The following ZNF503 variants were observed in gnomAD, a reference collection of about 807,000 sequenced individuals.
The protein encoded by ZNF503 is NocA-like zinc finger 2.
Under a neutral mutation model 34.4 loss-of-function variants are expected in ZNF503, and 15 were observed. The ratio of observed to expected loss-of-function variants is 0.44; its 90% CI spans 0.29 to 0.67. ZNF503 has a LOEUF of 0.67. Ranked by LOEUF, ZNF503 falls within the 30% of genes least tolerant of loss-of-function variation. The pLI is 0.13. For synonymous variants in ZNF503, 580 were observed against 456.8 expected (o/e 1.27, Z -3.44); for missense variants, 1,007 against 926.8 (o/e 1.09, Z -1.12).
chr10:75,312,927 A>G, the ZNF503 span, among the ~76,000 whole-genome samples: 44 of 152,198 alleles, frequency 2.9e-4, no homozygotes, highest in Middle Eastern at 3.4e-3. Context: ...GTGATAGTGA[A>G]TAAGTCTCGC....
At chr10:75,358,861 A>T in the ZNF503 span, 2 of 151,806 alleles carry the variant, frequency 1.3e-5, no homozygotes, top group Admixed American at 1.3e-4. Flanking sequence ...TTCATTCTCC[A>T]CCCTGCCACA....
chr10:75,389,645 G>T, the ZNF503 span, among the ~76,000 whole-genome samples: 3 of 152,112 alleles, frequency 2.0e-5, no homozygotes, highest in African/African-American at 7.2e-5. Flanking sequence ...CAGGAGAATC[G>T]CTGGAACTCA....
At chr10:75,400,716 C>T (rs1190631551) in intron 1 of ZNF503, among the ~76,000 whole-genome samples, 1 of 152,200 alleles carries the variant, frequency 6.6e-6, no homozygotes, top group African/African-American at 2.4e-5. Flanking sequence ...CTCCTTAATT[C>T]TTCAGAGTAA....
At chr10:75,321,625 C>A in the ZNF503 span, among the ~76,000 whole-genome samples, 2 of 152,184 alleles carry the variant, frequency 1.3e-5, no homozygotes, top group Non-Finnish European at 2.9e-5. Context: ...TATGGATTAG[C>A]AAAGAACTTG....
downstream of ZNF503, among the ~76,000 whole-genome samples, chr10:75,393,687 T>C (rs1293639150): frequency 6.6e-6 from 1 of 152,026 alleles, no homozygotes; most frequent in East Asian, 1.9e-4. Context: ...TGAAACCCTG[T>C]CTTTACTAAA....
chr10:75,360,114 CTTTT>C, the ZNF503 span, among the ~76,000 whole-genome samples: 6 of 108,482 alleles, frequency 5.5e-5, no homozygotes, highest in Admixed American at 1.0e-4. Context: ...CCAAAGGTTT[CTTTT>C]TTTTTTTTTT....
At chr10:75,333,601 T>C in the ZNF503 span, among the ~76,000 whole-genome samples, 13 of 68,340 alleles carry the variant, frequency 1.9e-4, no homozygotes, top group African/African-American at 4.8e-4. Context: ...CCCCCCACCT[T>C]CCTCCCGGAC....
In ZNF503 at chr10:75,398,824, G is replaced by T. The variant is rs1300449178; in HGVS notation, c.1866C>A (p.Ala622=). ...TPGAPVPVPA[A]TGPYYSPYAL... is the part of the protein sequence containing the mutation. Reference sequence around the variant, plus strand: ...CGTAGGGGGAGTAGTACGGTCCGGTGGCGGCGGGCACCGGCACGGGGGCGC... The same window carrying T: ...CGTAGGGGGAGTAGTACGGTCCGGTTGCGGCGGGCACCGGCACGGGGGCGC... The change falls in exon 2 of 2, where the codon GCC becomes GCA. Residue 622 remains alanine, a synonymous_variant. Coordinates refer to ENST00000372524, the MANE Select transcript of ZNF503 (RefSeq NM_032772.6). 4.0e-6 allele frequency: 6 copies of T among 1,499,816 alleles called. No individual in the cohort carries two copies. The highest frequency in any genetic ancestry group is 5.3e-6 in the Non-Finnish European group (6 of 1,130,800). The allele number at this position is 1,499,816 out of a possible 1,614,324, so 92.9% of individuals were successfully genotyped here. A position where few individuals can be genotyped will look rare whatever the true frequency, so the allele number is the denominator to read the frequency against.
At chr10:75,382,692 T>C in the ZNF503 span, 1 of 346,282 alleles carries the variant, frequency 2.9e-6, no homozygotes. Context: ...AAAGTGGTTT[T>C]CTCTCTTTTC....
At chr10:75,306,932 C>G in the ZNF503 span, among the ~76,000 whole-genome samples, 1 of 152,098 alleles carries the variant, frequency 6.6e-6, no homozygotes, top group African/African-American at 2.4e-5. Context: ...ATCTCTTTCC[C>G]TTTCCTTGGA....
the ZNF503 span, among the ~76,000 whole-genome samples, chr10:75,293,639 G>A: frequency 6.6e-6 from 1 of 151,818 alleles, no homozygotes; most frequent in Non-Finnish European, 1.5e-5. Flanking sequence ...CACCATCTGT[G>A]TGTGTGCGTG....
the ZNF503 span, among the ~76,000 whole-genome samples, chr10:75,323,903 G>A: frequency 6.7e-6 from 1 of 149,806 alleles, no homozygotes; most frequent in African/African-American, 2.5e-5. Context: ...TTGGGAGGCT[G>A]AGGCAGGAGA....
At chr10:75,367,596 T>C in the ZNF503 span, among the ~76,000 whole-genome samples, 2 of 152,204 alleles carry the variant, frequency 1.3e-5, no homozygotes, top group East Asian at 1.9e-4. Context: ...GTCCAAGATA[T>C]GTAAAATATA....
At chr10:75,377,516 C>A in the ZNF503 span, among the ~76,000 whole-genome samples, 1 of 152,170 alleles carries the variant, frequency 6.6e-6, no homozygotes, top group African/African-American at 2.4e-5. Flanking sequence ...ATGACACATG[C>A]ATGGGGTGTC....
the ZNF503 span, among the ~76,000 whole-genome samples, chr10:75,370,134 C>G: frequency 6.6e-6 from 1 of 151,752 alleles, no homozygotes; most frequent in African/African-American, 2.4e-5. Flanking sequence ...GGTTAGAGTA[C>G]AACAGACTTC....
chr10:75,381,122 T>G, the ZNF503 span, among the ~76,000 whole-genome samples: 1 of 152,244 alleles, frequency 6.6e-6, no homozygotes, highest in Non-Finnish European at 1.5e-5. Context: ...TAGCCTCTCT[T>G]GTAGCTAGAT....
chr10:75,390,649 G>A, the ZNF503 span, among the ~76,000 whole-genome samples: 6 of 152,172 alleles, frequency 3.9e-5, no homozygotes, highest in Admixed American at 2.6e-4. Flanking sequence ...ACCATCCTGT[G>A]ACCCACCAAA....
At chr10:75,283,126 C>T in the ZNF503 span, 116 of 152,388 alleles carry the variant, frequency 7.6e-4, no homozygotes, top group African/African-American at 2.5e-3. Context: ...GCTAGGGAAG[C>T]TCCCTTACTC....
In ZNF503 at chr10:75,399,862, G is replaced by T; in HGVS notation, c.828C>A (p.Pro276=). The part of the protein sequence containing the change: ...GTGGASAEGG[P]TGLAHGRISC... ...TAATCCGGCCGTGTGCCAGCCCCGT[G>T]GGTCCCCCTTCGGCCGAGGCGCCCC... The change falls in exon 2 of 2, where the codon CCC becomes CCA. Residue 276 remains proline (P), a synonymous_variant. Transcript: ENST00000372524. 1 of 1,602,616 alleles carries T rather than the reference G, an allele frequency of 6.2e-7. No individual in the cohort carries two copies. The highest frequency in any genetic ancestry group is 8.5e-7 in the Non-Finnish European group (1 of 1,175,900).
Sources: allele counts gnomAD v4.1 joint callset (sites outside exome capture counted in the v4.1 genomes callset), GRCh38; gene constraint gnomAD v4.1.1; transcripts MANE v1.5; gene names NCBI Gene and HGNC (gene_info 2026-07-23, HGNC 2026-07-21).